PIP4P2: variants seen among roughly 807,000 people sequenced by gnomAD.
PIP4P2 encodes the protein phosphatidylinositol-4,5-bisphosphate 4-phosphatase 2, also known as type 2 phosphatidylinositol 4,5-bisphosphate 4-phosphatase.
PIP4P2 carries 19 observed loss-of-function variants against 33.3 expected under a neutral mutation model. The observed-to-expected ratio is 0.57, with a 90% CI of 0.40 to 0.84. The LOEUF is 0.84. Among genes scored for constraint, PIP4P2 ranks in the 40% least tolerant of loss-of-function variants. The pLI, the probability that PIP4P2 is intolerant of heterozygous loss-of-function variation, is 0.00. For synonymous variants in PIP4P2, 110 were observed against 111.9 expected (o/e 0.98, Z 0.11); for missense variants, 270 against 324.7 (o/e 0.83, Z 1.29).
chr8:90,997,515 C>T (rs1057043471), intron 5 of PIP4P2, among the ~76,000 whole-genome samples: 2 of 151,996 alleles, frequency 1.3e-5, no homozygotes, highest in East Asian at 3.8e-4. Flanking sequence ...CTGCTAAAAG[C>T]CCTCTACTGT....
chr8:91,025,015 G>A (rs925999869), intron 1 of PIP4P2, among the ~76,000 whole-genome samples: 8 of 152,020 alleles, frequency 5.3e-5, no homozygotes, highest in African/African-American at 7.2e-5. Flanking sequence ...TCTGGAGATC[G>A]CTCCACAATA....
chr8:91,008,946 C>T, intron 4 of PIP4P2, 151 bp from the exon 5 acceptor site: 2 of 540,680 alleles, frequency 3.7e-6, no homozygotes, highest in Non-Finnish European at 6.4e-6. Context: ...TCCAATACTT[C>T]TCTCCCTCTC....
At chr8:91,007,314 T>C (rs1028921971) in intron 5 of PIP4P2, among the ~76,000 whole-genome samples, 3 of 152,236 alleles carry the variant, frequency 2.0e-5, no homozygotes, top group Non-Finnish European at 2.9e-5. Flanking sequence ...AAGTTATTCT[T>C]ACAGAGCTAT....
Position 91,033,198 on chromosome 8 carries a change from A to T in PIP4P2, c.106+7446T>A, listed in dbSNP as rs59349619. 5.6e-3 allele frequency among the ~76,000 whole-genome samples: 859 copies of T among 152,338 alleles called. 6 individuals carry two copies. Among genetic ancestry groups the T allele is most frequent in the African/African-American group, 0.02 (812 of 41,576 alleles). The stretch of plus-strand genomic sequence containing the variant: ...TTTTCTCAGACCTCAGATTTGTACA[A>T]CAAACTGCCTAATTCACATTTCTAA... On this transcript the variant is annotated intron_variant, in intron 1 of 6. Coordinates refer to ENST00000285419, the MANE Select transcript of PIP4P2 (RefSeq NM_018710.3).
Position 91,028,201 on chromosome 8 carries a change from T to C in PIP4P2, c.107-6797A>G, listed in dbSNP as rs145838352. Among the ~76,000 whole-genome samples the C allele has an allele frequency of 1.2e-3, 184 of 152,342 alleles. 1 individual carries two copies. The highest frequency in any genetic ancestry group is 0.01 in the Middle Eastern group (3 of 294). ...ATGGATGGGTTACCTGCAAAGATGT[T>C]GCTTGGTTGTATATCTTAGAAAAAA... On this transcript the variant is annotated intron_variant, in intron 1 of 6. Transcript: ENST00000285419.
intron 4 of PIP4P2, among the ~76,000 whole-genome samples, chr8:91,012,091 T>C (rs908578839): frequency 6.6e-6 from 1 of 151,946 alleles, no homozygotes; most frequent in African/African-American, 2.4e-5. Flanking sequence ...ATATCTTGAG[T>C]ATTTTGTCAC....
intron 1 of PIP4P2, among the ~76,000 whole-genome samples, chr8:91,037,837 T>C (rs975206650): frequency 1.3e-5 from 2 of 152,222 alleles, no homozygotes; most frequent in African/African-American, 4.8e-5. Context: ...ATTCTTTTGT[T>C]ATATCCTAAC....
chr8:91,023,974 C>T (rs1424511139), intron 1 of PIP4P2, among the ~76,000 whole-genome samples: 1 of 152,026 alleles, frequency 6.6e-6, no homozygotes, highest in Non-Finnish European at 1.5e-5. Flanking sequence ...CCCTACTCTC[C>T]TTGCAGAGGA....
At chr8:91,005,170 T>C (rs1464800449) in intron 5 of PIP4P2, among the ~76,000 whole-genome samples, 3 of 152,150 alleles carry the variant, frequency 2.0e-5, no homozygotes, top group Non-Finnish European at 1.5e-5. Flanking sequence ...GCCAGACACA[T>C]TTCTTCTAGA....
intron 1 of PIP4P2, among the ~76,000 whole-genome samples, chr8:91,023,395 T>TATTG (rs56025151): frequency 0.48 from 72,658 of 151,318 alleles, 20,369 homozygotes; most frequent in Non-Finnish European, 0.64. Context: ...GGAAGTGACA[T>TATTG]ATTGCTACAC....
rs146288398 is a variant in PIP4P2, at chr8:91,014,292, T to A, written c.486+4098A>T. Among the ~76,000 whole-genome samples the A allele has an allele frequency of 4.6e-5, 7 of 152,126 alleles. No individual in the cohort carries two copies. The East Asian group carries it at 1.4e-3, about 29-fold the overall frequency. The stretch of plus-strand genomic sequence containing the variant: ...TAAGGATAAAGCAGGAGTATCACAA[T>A]CCCAAGCTCATTGCAGCATTATTCA... On this transcript the variant is annotated intron_variant, in intron 4 of 6. Coordinates refer to ENST00000285419, the MANE Select transcript of PIP4P2 (RefSeq NM_018710.3).
chr8:90,995,706 C>T lies in PIP4P2; in HGVS notation c.745G>A (p.Val249Ile). ...GCAAAACTGTGTTCTGGATAACTGA[C>T]TCTTATGGCTCCCCAATAACAAGCT... ...IRACYWGAIR[V>I]SYPEHSFA is the part of the protein sequence containing the mutation. The change falls in exon 7 of 7, where the codon GTC becomes ATC. Residue 249 changes from valine (V) to isoleucine (I), a missense_variant. Transcript: ENST00000285419. 6.2e-7 allele frequency: 1 copy of T among 1,613,086 alleles called. No individual in the cohort carries two copies. The highest frequency in any genetic ancestry group is 8.5e-7 in the Non-Finnish European group (1 of 1,179,504).
At chr8:91,023,676 T>C (rs1447914824) in intron 1 of PIP4P2, among the ~76,000 whole-genome samples, 1 of 151,980 alleles carries the variant, frequency 6.6e-6, no homozygotes, top group Non-Finnish European at 1.5e-5. Context: ...ATAAATCTAA[T>C]ATAAGAGAGA....
chr8:91,016,863 T>G (rs1177921885), intron 4 of PIP4P2: 1 of 152,142 alleles, frequency 6.6e-6, no homozygotes, highest in Non-Finnish European at 1.5e-5. Flanking sequence ...TACACAAGAA[T>G]ATGAGAAGAA....
chr8:91,006,864 G>A (rs1297129255), intron 5 of PIP4P2, among the ~76,000 whole-genome samples: 1 of 152,188 alleles, frequency 6.6e-6, no homozygotes, highest in African/African-American at 2.4e-5. Flanking sequence ...AGCTACTTGG[G>A]AGGCTGAGGC....
At chr8:91,004,318 C>CT (rs965972306) in intron 5 of PIP4P2, among the ~76,000 whole-genome samples, 96 of 147,222 alleles carry the variant, frequency 6.5e-4, no homozygotes, top group Non-Finnish European at 7.4e-4. Flanking sequence ...CTTTCCACTG[C>CT]TTTTTTTTTT....
chr8:91,040,624 G>A lies in PIP4P2; in HGVS notation c.106+20C>T. ...CAAATCTACTTCCTTGCAAAGTAGA[G>A]GGATCTACGCTGGCCTTACCTCTGG... On this transcript the variant is annotated intron_variant, in intron 1 of 6. Transcript: ENST00000285419. The A allele has an allele frequency of 2.5e-6, 4 of 1,613,040 alleles. No homozygotes were observed. Among genetic ancestry groups the A allele is most frequent in the Non-Finnish European group, 3.4e-6 (4 of 1,179,384 alleles).
At chr8:91,005,113 C>CA (rs1811749160) in intron 5 of PIP4P2, among the ~76,000 whole-genome samples, 1 of 152,082 alleles carries the variant, frequency 6.6e-6, no homozygotes, top group South Asian at 2.1e-4. Flanking sequence ...ATCTAGCAAA[C>CA]CTACTATTCT....
chr8:91,035,108 A>T (rs1812217708), intron 1 of PIP4P2, among the ~76,000 whole-genome samples: 1 of 152,224 alleles, frequency 6.6e-6, no homozygotes, highest in Non-Finnish European at 1.5e-5. Context: ...TTTTCTACTC[A>T]CTGAAAACAT....
Sources: gnomAD v4.1 joint callset for allele counts (sites outside exome capture counted in the v4.1 genomes callset) on GRCh38, gnomAD v4.1.1 for gene constraint, MANE v1.5 for transcripts, NCBI Gene and HGNC (gene_info 2026-07-23, HGNC 2026-07-21) for gene names.